The following CCDC158 variants were observed in gnomAD, a reference collection of about 807,000 sequenced individuals.
CCDC158 encodes coiled-coil domain containing 158.
In CCDC158, 116 loss-of-function variants were observed where a neutral mutation model predicts 138.6. The observed-to-expected ratio is 0.84, with a 90% CI of 0.72 to 0.98. The LOEUF is 0.98. Among genes scored for constraint, CCDC158 ranks in the 50% least tolerant of loss-of-function variants. The probability of loss-of-function intolerance (pLI) is 0.00; values close to 1 mark genes in which losing one functional copy is unlikely to be tolerated. For missense variants in CCDC158, 1,265 were observed against 1,306.1 expected, an observed-to-expected ratio of 0.97 and a Z score of 0.48; for synonymous variants, 436 against 442.4, an observed-to-expected ratio of 0.99 and a Z score of 0.18.
Position 76,379,352 on chromosome 4 carries a change from C to T in CCDC158, c.967G>A (p.Glu323Lys), listed in dbSNP as rs2110288961. 6.2e-7 allele frequency: 1 copy of T among 1,610,678 alleles called. No homozygotes were observed. The highest frequency in any genetic ancestry group is 1.1e-5 in the South Asian group (1 of 90,376). Residue 323 changes from glutamate to lysine, a missense_variant, in exon 9 of 25, where the codon GAA (glutamate) becomes AAA (lysine). Physicochemically the swap from Glu to Lys is moderately conservative, Grantham distance 56 (BLOSUM62 1). Transcript: ENST00000682701. ...GAACGTAGCTGAGAAACAGTAGATT[C>T]CAGATCGCTGAGCTGACGCATATAC... is the stretch of plus-strand genomic sequence containing the variant. ...SMYMRQLSDL[E>K]STVSQLRSEL...
chr4:76,403,028 T>C, intron 3 of CCDC158, 110 bp downstream of exon 3: 1 of 710,236 alleles, frequency 1.4e-6, no homozygotes, highest in Admixed American at 3.0e-5. Context: ...TTCATGATCA[T>C]GGTCTGTAAC....
intron 9 of CCDC158, among the ~76,000 whole-genome samples, chr4:76,378,065 G>A (rs1279423170): frequency 6.6e-6 from 1 of 152,304 alleles, no homozygotes; most frequent in African/African-American, 2.4e-5. Context: ...AGATTATACA[G>A]TTTCATGTTA....
intron 1 of CCDC158, among the ~76,000 whole-genome samples, chr4:76,417,207 T>C (rs1240078946): frequency 6.6e-6 from 1 of 152,204 alleles, no homozygotes; most frequent in East Asian, 1.9e-4. Context: ...GCATGGGCCC[T>C]GTAACTCCTT....
rs75573814 is a variant in CCDC158 at position 76,364,316 on chromosome 4, T to G, written c.1831-2001A>C. 8.0e-3 allele frequency among the ~76,000 whole-genome samples: 1,215 copies of G among 152,288 alleles called. 16 individuals carry two copies. The highest frequency in any genetic ancestry group is 0.028 in the African/African-American group (1,146 of 41,554). On this transcript the variant is annotated intron_variant, in intron 12 of 24. Coordinates refer to ENST00000682701, the MANE Select transcript of CCDC158 (RefSeq NM_001394954.1). Reference sequence around the variant, plus strand: ...TTGCCACAGTGCCTCCTAACTGGTCTCTATCTGTGTTGGTAAGGCTTCCTA... The same window carrying G: ...TTGCCACAGTGCCTCCTAACTGGTCGCTATCTGTGTTGGTAAGGCTTCCTA...
intron 18 of CCDC158, among the ~76,000 whole-genome samples, chr4:76,339,321 A>G (rs1024302784): frequency 1.3e-5 from 2 of 152,166 alleles, no homozygotes; most frequent in Non-Finnish European, 2.9e-5. Context: ...GCCTGCTGCT[A>G]CATACATTTG....
chr4:76,339,691 T>A (rs761718923), intron 18 of CCDC158, among the ~76,000 whole-genome samples: 64 of 152,366 alleles, frequency 4.2e-4, no homozygotes, highest in Non-Finnish European at 8.5e-4. Flanking sequence ...GCAGTTGCCA[T>A]GACTGGACAG....
rs1249867319 is a variant in CCDC158, at chr4:76,351,107, AG to A, written c.2552del (p.Pro851LeufsTer9). On this transcript the variant is annotated frameshift_variant, in exon 18 of 25. Transcript: ENST00000682701. LOFTEE classifies it high-confidence loss of function. ...TCAATGAAGAATTTGAGGTGTATCC[AG>A]GGCCCTGAAGTTCCTGGAAAACAAT... is the stretch of plus-strand genomic sequence containing the variant. ...HTLDIKELQGPGYTSNSSLKP... is the reference protein window; with the variant it reads ...HTLDIKELQGXGYTSNSSLKP... 3 of 1,612,970 alleles carry A rather than the reference AG, an allele frequency of 1.9e-6. No individual in the cohort carries two copies. Among genetic ancestry groups the A allele is most frequent in the Admixed American group, 1.7e-5 (1 of 59,856 alleles).
Position 76,365,287 on chromosome 4 carries a change from T to A in CCDC158, c.1830+2007A>T, listed in dbSNP as rs1214433519. On this transcript the variant is annotated intron_variant, in intron 12 of 24. Transcript: ENST00000682701. ...TTCTACAGCTATGATTCCCCCACCT[T>A]TTTTTCTTATCAGATCACAGAGGGA... is the stretch of plus-strand genomic sequence containing the variant. 2.0e-5 allele frequency among the ~76,000 whole-genome samples: 3 copies of A among 152,260 alleles called. No individual in the cohort carries two copies. The East Asian group carries it at 5.8e-4, about 29-fold the overall frequency.
chr4:76,408,077 T>A (rs1346138079), intron 2 of CCDC158, among the ~76,000 whole-genome samples: 2 of 151,480 alleles, frequency 1.3e-5, no homozygotes, highest in South Asian at 4.2e-4. Flanking sequence ...AATTAAAAAA[T>A]TTTATTATTA....
intron 2 of CCDC158, among the ~76,000 whole-genome samples, chr4:76,411,166 C>T (rs368187927): frequency 2.6e-5 from 4 of 152,120 alleles, no homozygotes; most frequent in African/African-American, 9.7e-5. Flanking sequence ...CTTTGGGAAG[C>T]AAAGGTGGGC....
chr4:76,382,696 A>G lies in CCDC158; in HGVS notation c.828T>C (p.His276=), dbSNP rs779715097. The G allele has an allele frequency of 1.2e-6, 2 of 1,612,670 alleles. No individual in the cohort carries two copies. Among genetic ancestry groups the G allele is most frequent in the Non-Finnish European group, 1.7e-6 (2 of 1,178,910 alleles). ...CAGTAAGTCCTGTTATTTCAACTTC[A>G]TGTTCACTTATTAACTGCTCAATCC... ...QDRIEQLISE[H]EVEITGLTEK... The change falls in exon 8 of 25, where the codon CAT becomes CAC. Residue 276 remains histidine (H), a synonymous_variant. Transcript: ENST00000682701.
chr4:76,420,288 T>A (rs956043504), intron 1 of CCDC158, among the ~76,000 whole-genome samples: 21 of 152,172 alleles, frequency 1.4e-4, no homozygotes, highest in African/African-American at 5.1e-4. Context: ...CGCCTTAATC[T>A]CCTGCTGAGA....
rs185809262 is a variant in CCDC158 at position 76,387,350 on chromosome 4, G to C, written c.289-2685C>G. Among the ~76,000 whole-genome samples the C allele has an allele frequency of 2.8e-3, 421 of 152,252 alleles. 2 individuals carry two copies. The highest frequency in any genetic ancestry group is 9.2e-3 in the African/African-American group (382 of 41,550). ...CCAAAAGGGAACCCATTGCCTTGAA[G>C]GGAAGAACACAGTCCTGGAATCGTT... On this transcript the variant is annotated intron_variant, in intron 4 of 24. Transcript: ENST00000682701.
At chr4:76,352,567 T>C (rs1723153255) in intron 16 of CCDC158, 1 of 152,190 alleles carries the variant, frequency 6.6e-6, no homozygotes, top group African/African-American at 2.4e-5. Flanking sequence ...AAGGATGGTT[T>C]TGGTACAATT....
chr4:76,324,593 T>TTAA (rs1370908227), intron 23 of CCDC158, among the ~76,000 whole-genome samples: 1 of 152,026 alleles, frequency 6.6e-6, no homozygotes, highest in Admixed American at 6.6e-5. Context: ...GTAACAAAAA[T>TTAA]TAATAATGAA....
chr4:76,343,587 G>A (rs1722260223), intron 18 of CCDC158, among the ~76,000 whole-genome samples: 1 of 152,210 alleles, frequency 6.6e-6, no homozygotes, highest in Admixed American at 6.5e-5. Flanking sequence ...GGCCGAGGCA[G>A]GCGGATCACT....
intron 24 of CCDC158, among the ~76,000 whole-genome samples, chr4:76,321,649 CCA>C: frequency 6.9e-6 from 1 of 145,710 alleles, no homozygotes; most frequent in Non-Finnish European, 1.5e-5. Flanking sequence ...CATTCTTCCC[CCA>C]TATATATACC....
intron 1 of CCDC158, among the ~76,000 whole-genome samples, chr4:76,418,898 C>T (rs894824787): frequency 6.6e-6 from 1 of 152,196 alleles, no homozygotes; most frequent in Non-Finnish European, 1.5e-5. Flanking sequence ...CTGAATTTTC[C>T]TGTATCCTGA....
intron 9 of CCDC158, among the ~76,000 whole-genome samples, chr4:76,373,626 C>T (rs949533755): frequency 3.9e-5 from 6 of 152,126 alleles, no homozygotes; most frequent in African/African-American, 1.2e-4. Context: ...TACATACACA[C>T]ATCTCTCTTT....
Sources: gnomAD v4.1 joint callset for allele counts (sites outside exome capture counted in the v4.1 genomes callset) on GRCh38, gnomAD v4.1.1 for gene constraint, MANE v1.5 for transcripts, NCBI Gene and HGNC (gene_info 2026-07-23, HGNC 2026-07-21) for gene names.